The following PCBP3 variants were observed in gnomAD, a reference collection of about 807,000 sequenced individuals.
PCBP3 encodes the protein poly(rC) binding protein 3.
PCBP3 carries 25 observed loss-of-function variants against 52.7 expected under a neutral mutation model. That is an observed-to-expected ratio of 0.47 (90% CI 0.35 to 0.66). PCBP3 has a LOEUF of 0.66. Among genes scored for constraint, PCBP3 ranks in the 30% least tolerant of loss-of-function variants. The pLI is 0.01. For missense variants in PCBP3, 391 were observed against 490.3 expected (o/e 0.80, Z 1.91); for synonymous variants, 162 against 183.0 (o/e 0.89, Z 0.93).
chr21:45,797,474 G>T (rs1603430673), intron 4 of PCBP3, among the ~76,000 whole-genome samples: 2 of 152,230 alleles, frequency 1.3e-5, no homozygotes, highest in South Asian at 2.1e-4. Context: ...ATAGACGAGT[G>T]CATGGATCCA....
In PCBP3 at chr21:45,805,023, G is replaced by T. The variant is rs1403722271; in HGVS notation, c.-125-44938G>T. ...GATAAAGGCTTCCCACTGCCTGGAT[G>T]CTGTGACCGCCTGATCCCGTGGTGA... On this transcript the variant is annotated intron_variant, in intron 4 of 17. Transcript: ENST00000681687. This position sits in a 1 kb window ranked among gnomAD's most constrained non-coding sequence, Gnocchi z 4.6. 1.3e-5 allele frequency among the ~76,000 whole-genome samples: 2 copies of T among 152,194 alleles called. No individual in the cohort carries two copies. Among genetic ancestry groups the T allele is most frequent in the African/African-American group, 2.4e-5 (1 of 41,460 alleles).
intron 5 of PCBP3, chr21:45,859,596 G>A (rs753794225): frequency 6.6e-5 from 10 of 152,242 alleles, no homozygotes; most frequent in Admixed American, 1.3e-4. Flanking sequence ...CCTAACACGC[G>A]ACATCTCCCC....
intron 1 of PCBP3, among the ~76,000 whole-genome samples, chr21:45,668,468 A>C (rs1365178730): frequency 1.3e-5 from 2 of 151,004 alleles, no homozygotes; most frequent in Admixed American, 1.3e-4. Context: ...ACTTTGAAGG[A>C]GCTCTAACTC....
chr21:45,884,937 A>G (rs571222575), intron 5 of PCBP3, among the ~76,000 whole-genome samples: 1 of 152,320 alleles, frequency 6.6e-6, no homozygotes, highest in South Asian at 2.1e-4. Context: ...TAATTTTTGC[A>G]TCAGTCATCA....
At chr21:45,666,746 T>G (rs2080822300) in intron 1 of PCBP3, among the ~76,000 whole-genome samples, 1 of 151,936 alleles carries the variant, frequency 6.6e-6, no homozygotes, top group Non-Finnish European at 1.5e-5. Flanking sequence ...TTTTTTTTTT[T>G]TAGATGGGGT....
At chr21:45,843,669 G>A (rs1054280657) in intron 4 of PCBP3, among the ~76,000 whole-genome samples, 2 of 152,088 alleles carry the variant, frequency 1.3e-5, no homozygotes, top group Admixed American at 1.3e-4. Flanking sequence ...TTTGTCCAAG[G>A]GAATTGTAAA....
intron 2 of PCBP3, among the ~76,000 whole-genome samples, chr21:45,734,220 G>A (rs1318002624): frequency 2.0e-5 from 3 of 152,154 alleles, no homozygotes; most frequent in Non-Finnish European, 4.4e-5. Flanking sequence ...GTACTGCAAG[G>A]CTCCTGCAGC....
chr21:45,697,687 G>T (rs1475714324), intron 2 of PCBP3, among the ~76,000 whole-genome samples: 1 of 151,190 alleles, frequency 6.6e-6, no homozygotes, highest in Non-Finnish European at 1.5e-5. Flanking sequence ...GAAGGCTGCA[G>T]TGAGCCATGA....
intron 4 of PCBP3, among the ~76,000 whole-genome samples, chr21:45,820,993 AGAG>A (rs1398793160): frequency 6.6e-6 from 1 of 152,094 alleles, no homozygotes; most frequent in Non-Finnish European, 1.5e-5. Context: ...GTGCGTTCTG[AGAG>A]GAGACCCGGC....
intron 5 of PCBP3, among the ~76,000 whole-genome samples, chr21:45,892,399 A>C (rs537506089): frequency 1.4e-5 from 2 of 147,878 alleles, no homozygotes; most frequent in African/African-American, 2.6e-5. Context: ...AACAGAGTGC[A>C]TTAGTCCCTG....
chr21:45,826,585 A>T (rs2093314603), intron 4 of PCBP3, among the ~76,000 whole-genome samples: 2 of 152,160 alleles, frequency 1.3e-5, no homozygotes, highest in African/African-American at 2.4e-5. Context: ...AGGCATGACA[A>T]AGGTGCTGGG....
At chr21:45,722,453 T>C (rs991157864) in intron 2 of PCBP3, among the ~76,000 whole-genome samples, 1 of 152,240 alleles carries the variant, frequency 6.6e-6, no homozygotes, top group Non-Finnish European at 1.5e-5. Flanking sequence ...ATAATATCTA[T>C]TTTTATTGTT....
At chr21:45,646,766 A>G (rs564806358) in intron 1 of PCBP3, among the ~76,000 whole-genome samples, 194 of 152,348 alleles carry the variant, frequency 1.3e-3, no homozygotes, top group African/African-American at 4.6e-3. Flanking sequence ...CTTTATTACA[A>G]TATAGACATA....
Position 45,823,606 on chromosome 21 carries a change from C to T in PCBP3, c.-125-26355C>T, listed in dbSNP as rs73380609. Among the ~76,000 whole-genome samples the T allele has an allele frequency of 6.6e-3, 1,002 of 152,256 alleles. 14 individuals carry two copies. Among genetic ancestry groups the T allele is most frequent in the African/African-American group, 0.022 (921 of 41,548 alleles). The stretch of plus-strand genomic sequence containing the variant: ...TTTGGCTCTGTGATTCACTGACTCA[C>T]CCAAAGGGGTGGCCGACGGGTTCCT... On this transcript the variant is annotated intron_variant, in intron 4 of 17. Transcript: ENST00000681687.
chr21:45,822,642 T>TTAGGAGAGCGAGGGGCGGACCCAGCAG (rs2093175161), intron 4 of PCBP3, among the ~76,000 whole-genome samples: 2 of 149,818 alleles, frequency 1.3e-5, no homozygotes, highest in African/African-American at 4.9e-5. Context: ...GGACCCGGCA[T>TTAGGAGAGCGAGGGGCGGACCCAGCAG]GGGACAGGGT....
chr21:45,672,821 C>T lies in PCBP3; in HGVS notation c.-200+3869C>T, dbSNP rs867759160. Among the ~76,000 whole-genome samples, 7 of 152,224 alleles carry T rather than the reference C, an allele frequency of 4.6e-5. No homozygotes were observed. In the East Asian group the frequency reaches 7.7e-4, roughly 17 times the overall value. ...TGGGGAGCAGAGGGATAGCTTTTCCCGGATTGTGAGGCCCATATTTCTGGA... is the reference window on the plus strand; with the variant it reads ...TGGGGAGCAGAGGGATAGCTTTTCCTGGATTGTGAGGCCCATATTTCTGGA... On this transcript the variant is annotated intron_variant, in intron 2 of 17. Transcript: ENST00000681687.
At chr21:45,936,439 A>G (rs1045048976) in intron 16 of PCBP3, among the ~76,000 whole-genome samples, 1 of 152,216 alleles carries the variant, frequency 6.6e-6, no homozygotes, top group African/African-American at 2.4e-5. Context: ...TCCAGGCAGC[A>G]TTGTGGTCCA....
chr21:45,941,086 T>C (rs1203647443), intron 17 of PCBP3, among the ~76,000 whole-genome samples: 2 of 152,146 alleles, frequency 1.3e-5, no homozygotes, highest in South Asian at 2.1e-4. Context: ...CCCCCGACTT[T>C]ACCCACTGAT....
At chr21:45,701,404 G>T (rs1262223824) in intron 2 of PCBP3, among the ~76,000 whole-genome samples, 1 of 152,090 alleles carries the variant, frequency 6.6e-6, no homozygotes, top group Non-Finnish European at 1.5e-5. Flanking sequence ...TGGAATTCAG[G>T]ACTCCTTTCC....
Sources: allele counts gnomAD v4.1 joint callset (sites outside exome capture counted in the v4.1 genomes callset), GRCh38; gene constraint gnomAD v4.1.1; non-coding constraint Gnocchi (gnomAD v3.1); transcripts MANE v1.5; gene names NCBI Gene and HGNC (gene_info 2026-07-23, HGNC 2026-07-21).